Variants in TCP11L1 observed in about 807,000 individuals in gnomAD.
The protein encoded by TCP11L1 is t-complex 11 like 1.
In TCP11L1, 28 loss-of-function variants were observed where a neutral mutation model predicts 48.9. The ratio of observed to expected loss-of-function variants is 0.57; its 90% CI spans 0.42 to 0.78. TCP11L1 has a LOEUF of 0.78. Ranked by LOEUF, TCP11L1 falls within the 30% of genes least tolerant of loss-of-function variation. The pLI, the probability that TCP11L1 is intolerant of heterozygous loss-of-function variation, is 0.00. For missense variants in TCP11L1, 505 were observed against 613.4 expected (o/e 0.82, Z 1.87); for synonymous variants, 204 against 231.9 (o/e 0.88, Z 1.09).
intron 3 of TCP11L1, 102 bp downstream of exon 3, chr11:33,054,827 C>A: frequency 7.6e-7 from 1 of 1,316,478 alleles, no homozygotes. Context: ...ACGTATTTTT[C>A]CTTTTGTACA....
chr11:33,061,876 T>G (rs1854478056), intron 7 of TCP11L1, 150 bp downstream of exon 7: 6 of 754,524 alleles, frequency 8.0e-6, no homozygotes, highest in African/African-American at 1.8e-5. Flanking sequence ...AGGTCAGGAG[T>G]TCAAGACTTG....
chr11:33,069,673 C>T lies in TCP11L1; in HGVS notation c.1327+814C>T, dbSNP rs139816048. ...GCAGTGATGCGATCTCGGCTCACTGCACTCCACCTCTGTGCTCCACCTCCC... is the reference window on the plus strand; with the variant it reads ...GCAGTGATGCGATCTCGGCTCACTGTACTCCACCTCTGTGCTCCACCTCCC... On this transcript the variant is annotated intron_variant, in intron 9 of 9. Transcript: ENST00000334274. 2.8e-4 allele frequency among the ~76,000 whole-genome samples: 42 copies of T among 152,220 alleles called. 1 individual carries two copies. In the East Asian group the frequency reaches 6.2e-3, roughly 22 times the overall value.
chr11:33,044,119 C>A, intron 2 of TCP11L1, 183 bp downstream of exon 2: 1 of 534,266 alleles, frequency 1.9e-6, no homozygotes, highest in South Asian at 3.6e-5. Context: ...TTTTCAATTG[C>A]ATGGGAAATT....
Position 33,057,987 on chromosome 11 carries a change from G to A in TCP11L1, c.486G>A (p.Leu162=). The A allele has an allele frequency of 6.2e-7, 1 of 1,614,094 alleles. No individual in the cohort carries two copies. The highest frequency in any genetic ancestry group is 1.7e-5 in the Admixed American group (1 of 60,010). Residue 162 remains leucine (L), a synonymous_variant, in exon 5 of 10, where the codon CTG becomes CTA. Transcript: ENST00000334274. ...ACCAGATAACAGAAGTCTTGGATCT[G>A]GATCTGATAAAGCAGGAAGCAGAGA... ...LRNQITEVLD[L]DLIKQEAENG... is the part of the protein sequence containing the mutation.
chr11:33,070,457 G>A (rs7482075), intron 9 of TCP11L1, among the ~76,000 whole-genome samples: 56,194 of 151,826 alleles, frequency 0.37, 10,560 homozygotes, highest in East Asian at 0.45. Flanking sequence ...AGGCCGAGCC[G>A]GGCAGTTCAC....
intron 2 of TCP11L1, among the ~76,000 whole-genome samples, chr11:33,053,757 G>A (rs550264160): frequency 1.3e-5 from 2 of 152,324 alleles, no homozygotes; most frequent in South Asian, 4.1e-4. Flanking sequence ...GTACAAGATA[G>A]TGGTTTTAGC....
chr11:33,057,127 A>G lies in TCP11L1; in HGVS notation c.309A>G (p.Arg103=). ...TTCACTGCCCCAGCTTGAAGAAGAG[A>G]GTAAAGGAGATTGTACATAAAGCGT... ...VELPENSLKK[R]VKEIVHKAFW... is the part of the protein sequence containing the mutation. Residue 103 remains arginine, a synonymous_variant, in exon 4 of 10, where the codon AGA becomes AGG. Transcript: ENST00000334274. 1 of 1,613,680 alleles carries G rather than the reference A, an allele frequency of 6.2e-7. No homozygotes were observed. The highest frequency in any genetic ancestry group is 2.2e-5 in the East Asian group (1 of 44,850).
At chr11:33,064,689 A>G (rs954794357) in intron 7 of TCP11L1, among the ~76,000 whole-genome samples, 5 of 152,162 alleles carry the variant, frequency 3.3e-5, no homozygotes, top group African/African-American at 1.2e-4. Context: ...CAGTTCTTAC[A>G]AGCTTCCTTT....
chr11:33,041,527 G>A (rs1464044321), intron 1 of TCP11L1, among the ~76,000 whole-genome samples: 1 of 152,052 alleles, frequency 6.6e-6, no homozygotes, highest in Non-Finnish European at 1.5e-5. Flanking sequence ...GAGGCGGGCG[G>A]ATCACTAGAG....
intron 2 of TCP11L1, among the ~76,000 whole-genome samples, chr11:33,053,855 A>C (rs1444965741): frequency 6.6e-6 from 1 of 152,106 alleles, no homozygotes; most frequent in Non-Finnish European, 1.5e-5. Context: ...TTTGAGACAG[A>C]GTCTTGCTCT....
chr11:33,040,056 C>G (rs1853783542), intron 1 of TCP11L1: 1 of 152,180 alleles, frequency 6.6e-6, no homozygotes, highest in Admixed American at 6.5e-5. Flanking sequence ...ACGCCGGGCG[C>G]GAGTGGAGCT....
At chr11:33,057,321 A>G (rs923335622) in intron 4 of TCP11L1, 86 bp downstream of exon 4, 137 of 1,575,322 alleles carry the variant, frequency 8.7e-5, no homozygotes, top group Non-Finnish European at 1.1e-4. Context: ...AAGACTTTAA[A>G]GAAATTGAAG....
chr11:33,059,899 A>C (rs1854421228), intron 6 of TCP11L1, among the ~76,000 whole-genome samples: 1 of 152,216 alleles, frequency 6.6e-6, no homozygotes, highest in African/African-American at 2.4e-5. Context: ...GGTAATGTTT[A>C]CTAAGTGCCA....
At chr11:33,064,688 C>G (rs1028912127) in intron 7 of TCP11L1, among the ~76,000 whole-genome samples, 2 of 152,244 alleles carry the variant, frequency 1.3e-5, no homozygotes, top group Admixed American at 6.5e-5. Context: ...CCAGTTCTTA[C>G]AAGCTTCCTT....
intron 2 of TCP11L1, among the ~76,000 whole-genome samples, chr11:33,046,150 A>G (rs1853987929): frequency 6.6e-6 from 1 of 152,276 alleles, no homozygotes; most frequent in Non-Finnish European, 1.5e-5. Context: ...CCTTTAGCAC[A>G]GAGCTTGGTG....
chr11:33,066,884 C>T (rs1590241609), intron 8 of TCP11L1, among the ~76,000 whole-genome samples: 3 of 152,204 alleles, frequency 2.0e-5, no homozygotes, highest in South Asian at 2.1e-4. Context: ...ACTTAACACA[C>T]GTGTAACAGA....
In TCP11L1 at chr11:33,058,993, G is replaced by A. The variant is rs1040599424; in HGVS notation, c.673G>A (p.Asp225Asn). 6.2e-7 allele frequency: 1 copy of A among 1,614,092 alleles called. No homozygotes were observed. Among genetic ancestry groups the A allele is most frequent in the Non-Finnish European group, 8.5e-7 (1 of 1,180,012 alleles). ...IFSVLDLMKVDMANFAISSIR... is the reference protein window; with the variant it reads ...IFSVLDLMKVNMANFAISSIR... ...TTCTGTGTTGGACCTAATGAAAGTGGACATGGCCAACTTTGCTATCAGTAG... is the reference window on the plus strand; with the variant it reads ...TTCTGTGTTGGACCTAATGAAAGTGAACATGGCCAACTTTGCTATCAGTAG... The change falls in exon 6 of 10, where the codon GAC (aspartate) becomes AAC (asparagine). Residue 225 changes from aspartate to asparagine, a missense_variant. Asp to Asn is a conservative substitution (Grantham distance 23). Around this residue, in one of 3 missense-constraint regions of TCP11L1, gnomAD observed 335 missense variants for 413.3 expected, o/e 0.81. Transcript: ENST00000334274.
intron 2 of TCP11L1, among the ~76,000 whole-genome samples, chr11:33,052,912 G>C (rs922039753): frequency 6.6e-6 from 1 of 152,136 alleles, no homozygotes; most frequent in African/African-American, 2.4e-5. Context: ...AAGATGATTT[G>C]AGCCTGAGAG....
intron 1 of TCP11L1, among the ~76,000 whole-genome samples, chr11:33,041,477 G>C (rs1853830232): frequency 1.3e-5 from 2 of 152,214 alleles, no homozygotes; most frequent in Non-Finnish European, 1.5e-5. Flanking sequence ...TGGGCCAGGT[G>C]CAGTGGCTCA....
Sources: allele counts gnomAD v4.1 joint callset (sites outside exome capture counted in the v4.1 genomes callset), GRCh38; gene constraint gnomAD v4.1.1; regional missense constraint gnomAD v4.1.1; transcripts MANE v1.5; gene names NCBI Gene and HGNC (gene_info 2026-07-23, HGNC 2026-07-21).